Variants in MGMT observed in about 807,000 individuals in gnomAD.
MGMT encodes O-6-methylguanine-DNA methyltransferase.
Under a neutral mutation model 15.9 loss-of-function variants are expected in MGMT, and 14 were observed. The observed-to-expected ratio is 0.88, with a 90% confidence interval of 0.58 to 1.37. MGMT has a LOEUF of 1.37. MGMT is among the 40% of genes most tolerant of loss of function. The pLI is 0.00. For missense variants in MGMT, 282 were observed against 268.1 expected, an observed-to-expected ratio of 1.05 and a Z score of -0.36; for synonymous variants, 130 against 118.2, an observed-to-expected ratio of 1.10 and a Z score of -0.65.
At chr10:129,610,550 C>G (rs1325624878) in intron 2 of MGMT, among the ~76,000 whole-genome samples, 9 of 152,256 alleles carry the variant, frequency 5.9e-5, no homozygotes, top group Admixed American at 5.2e-4. Context: ...CATAGCACTT[C>G]TGGACTTTTT....
At chr10:129,753,142 A>G (rs1464877686) in intron 3 of MGMT, among the ~76,000 whole-genome samples, 1 of 152,158 alleles carries the variant, frequency 6.6e-6, no homozygotes. Context: ...TCAGCACTTC[A>G]AAAGTGCTGT....
chr10:129,572,014 C>T (rs1004900609), intron 2 of MGMT, among the ~76,000 whole-genome samples: 2 of 152,168 alleles, frequency 1.3e-5, no homozygotes, highest in Non-Finnish European at 2.9e-5. Flanking sequence ...TGCATGTGAA[C>T]GTAACTGACC....
chr10:129,653,584 C>A (rs778423889), intron 2 of MGMT, among the ~76,000 whole-genome samples: 3 of 152,232 alleles, frequency 2.0e-5, no homozygotes, highest in Non-Finnish European at 2.9e-5. Context: ...AGTGGCCTCA[C>A]GTGGCCTCCC....
At chr10:129,539,021 C>T (rs557153175) in intron 2 of MGMT, among the ~76,000 whole-genome samples, 1 of 152,270 alleles carries the variant, frequency 6.6e-6, no homozygotes, top group East Asian at 1.9e-4. Flanking sequence ...AGACTTTTGT[C>T]AGATGTCTGT....
chr10:129,585,192 G>A (rs907095153), intron 2 of MGMT, among the ~76,000 whole-genome samples: 1 of 152,110 alleles, frequency 6.6e-6, no homozygotes, highest in Non-Finnish European at 1.5e-5. Context: ...ATATCTTCTT[G>A]TGTAAAACGG....
intron 2 of MGMT, among the ~76,000 whole-genome samples, chr10:129,631,825 A>G (rs987697017): frequency 6.6e-6 from 1 of 152,198 alleles, no homozygotes; most frequent in Admixed American, 6.5e-5. Context: ...CCCTGTCTCA[A>G]TTTAATAAAT....
chr10:129,503,779 G>A lies in MGMT; in HGVS notation c.-12-32462G>A, dbSNP rs1845598298. Among the ~76,000 whole-genome samples the A allele has an allele frequency of 2.6e-5, 4 of 152,370 alleles. No individual in the cohort carries two copies. The South Asian group carries it at 8.3e-4, about 32-fold the overall frequency. On this transcript the variant is annotated intron_variant, in intron 1 of 4. Coordinates refer to ENST00000651593, the MANE Select transcript of MGMT (RefSeq NM_002412.5). ...CAGACTTGGAATTCTGTCGGATCCAGGGGCTGAAATGTTGTATTCTCTTTG... is the reference window on the plus strand; with the variant it reads ...CAGACTTGGAATTCTGTCGGATCCAAGGGCTGAAATGTTGTATTCTCTTTG...
chr10:129,703,515 CG>C (rs970871494), intron 2 of MGMT, among the ~76,000 whole-genome samples: 1 of 152,172 alleles, frequency 6.6e-6, no homozygotes, highest in African/African-American at 2.4e-5. Context: ...ACCCCATCTG[CG>C]GGGTGTGATG....
At chr10:129,550,306 GT>G (rs1185694397) in intron 2 of MGMT, among the ~76,000 whole-genome samples, 1 of 151,208 alleles carries the variant, frequency 6.6e-6, no homozygotes, top group Non-Finnish European at 1.5e-5. Flanking sequence ...GTTTCACAGT[GT>G]TCCGCAGCCA....
At chr10:129,696,972 C>A (rs182752045) in intron 2 of MGMT, among the ~76,000 whole-genome samples, 2 of 152,260 alleles carry the variant, frequency 1.3e-5, no homozygotes, top group Admixed American at 1.3e-4. Context: ...GGTCTCCTGC[C>A]TATGTGGAAT....
chr10:129,731,268 C>G (rs1848493731), intron 3 of MGMT, among the ~76,000 whole-genome samples: 1 of 152,024 alleles, frequency 6.6e-6, no homozygotes, highest in Admixed American at 6.6e-5. Context: ...CTCTGGACCC[C>G]TCTTTAAGAT....
chr10:129,644,460 C>G (rs1315677279), intron 2 of MGMT, among the ~76,000 whole-genome samples: 1 of 152,200 alleles, frequency 6.6e-6, no homozygotes, highest in Non-Finnish European at 1.5e-5. Context: ...CAGCAAGAGG[C>G]TGGAAGGAAA....
intron 2 of MGMT, among the ~76,000 whole-genome samples, chr10:129,549,005 G>A (rs1184680340): frequency 1.3e-5 from 2 of 152,220 alleles, no homozygotes; most frequent in Non-Finnish European, 2.9e-5. Flanking sequence ...GTCATAAATA[G>A]CTGGCTTCTT....
At chr10:129,732,556 T>C (rs1848512290) in intron 3 of MGMT, among the ~76,000 whole-genome samples, 1 of 151,796 alleles carries the variant, frequency 6.6e-6, no homozygotes, top group Non-Finnish European at 1.5e-5. Flanking sequence ...TGGCATTTTT[T>C]TTAATTTATT....
At chr10:129,530,667 C>T (rs1297624074) in intron 1 of MGMT, among the ~76,000 whole-genome samples, 1 of 152,254 alleles carries the variant, frequency 6.6e-6, no homozygotes, top group Non-Finnish European at 1.5e-5. Flanking sequence ...TGCAAACCAG[C>T]TGCATCTCCT....
At position 129,515,266 on chromosome 10, in the gene MGMT, C is replaced by T. The variant is rs529021722; in HGVS notation, c.-12-20975C>T. 9.5e-4 allele frequency among the ~76,000 whole-genome samples: 144 copies of T among 152,336 alleles called. 1 individual carries two copies. Among genetic ancestry groups the T allele is most frequent in the Non-Finnish European group, 1.7e-3 (116 of 68,030 alleles). On this transcript the variant is annotated intron_variant, in intron 1 of 4. Coordinates refer to ENST00000651593, the MANE Select transcript of MGMT (RefSeq NM_002412.5). The stretch of plus-strand genomic sequence containing the variant: ...GCTGCTTCCCCACTCGCCAAGGCCC[C>T]GTCAGGAGCAGCAGCTGCGGCCCTG...
intron 3 of MGMT, among the ~76,000 whole-genome samples, chr10:129,716,011 C>T (rs770841345): frequency 7.2e-5 from 11 of 152,138 alleles, no homozygotes; most frequent in East Asian, 1.9e-4. Flanking sequence ...TCTGAGGCCG[C>T]GTGGAGATGG....
chr10:129,569,230 C>A (rs1846389405), intron 2 of MGMT, among the ~76,000 whole-genome samples: 1 of 152,120 alleles, frequency 6.6e-6, no homozygotes, highest in South Asian at 2.1e-4. Flanking sequence ...ACATAAAACA[C>A]CTGGCCCGGC....
At chr10:129,757,024 T>G (rs1419962303) in intron 3 of MGMT, among the ~76,000 whole-genome samples, 1 of 152,242 alleles carries the variant, frequency 6.6e-6, no homozygotes, top group Non-Finnish European at 1.5e-5. Flanking sequence ...GAGAGCTGCT[T>G]CAACTAATTA....
Sources: allele counts gnomAD v4.1 joint callset (sites outside exome capture counted in the v4.1 genomes callset), GRCh38; gene constraint gnomAD v4.1.1; transcripts MANE v1.5; gene names NCBI Gene and HGNC (gene_info 2026-07-23, HGNC 2026-07-21).